PRKDC: variants seen among roughly 807,000 people sequenced by gnomAD.
PRKDC encodes protein kinase, DNA-activated, catalytic subunit, also known as DNA-dependent protein kinase catalytic subunit.
A neutral mutation model predicts 486.9 loss-of-function variants in PRKDC; 82 were observed. The ratio of observed to expected loss-of-function variants is 0.17; its 90% CI spans 0.14 to 0.20. The LOEUF (loss-of-function observed/expected upper bound fraction) is 0.20. Ranked by LOEUF, PRKDC falls within the 10% of genes least tolerant of loss-of-function variation. PRKDC has a pLI of 1.00. For missense variants in PRKDC, 4,504 were observed against 5,038.2 expected (o/e 0.89, Z 3.21); for synonymous variants, 1,895 against 1,837.0 (o/e 1.03, Z -0.81).
chr8:47,930,786 T>C lies in PRKDC; in HGVS notation c.1778A>G (p.Asn593Ser), dbSNP rs1248488297. Reference protein sequence around the residue: ...LEIQTVGEQENGDEAPGVWMI... With the variant: ...LEIQTVGEQESGDEAPGVWMI... ...CCAAACACCAGGCGCCTCATCTCCA[T>C]TCTTAAAGAGTAATTGTAGCAAAGA... is the stretch of plus-strand genomic sequence containing the variant. The change falls in exon 17 of 86, where the codon AAT becomes AGT. Residue 593 changes from asparagine to serine, a missense_variant and splice_region_variant. Transcript: ENST00000314191. 2.6e-6 allele frequency: 4 copies of C among 1,567,128 alleles called. No individual in the cohort carries two copies. In the African/African-American group the frequency reaches 5.5e-5, roughly 21 times the overall value.
At chr8:47,864,073 G>C (rs2088742624) in intron 41 of PRKDC, among the ~76,000 whole-genome samples, 2 of 152,070 alleles carry the variant, frequency 1.3e-5, no homozygotes, top group Admixed American at 6.6e-5. Context: ...TTTAGTTAAG[G>C]GCCTTGTGAT....
At chr8:47,948,009 G>C (rs2090562532) in intron 7 of PRKDC, among the ~76,000 whole-genome samples, 1 of 151,708 alleles carries the variant, frequency 6.6e-6, no homozygotes, top group South Asian at 2.1e-4. Context: ...TTTGAGCCCA[G>C]GAGGTTGAGG....
At position 47,898,512 on chromosome 8, in the gene PRKDC, T is replaced by G; in HGVS notation, c.3422A>C (p.Lys1141Thr). Residue 1141 changes from lysine to threonine, a missense_variant, in exon 29 of 86, where the codon AAG (lysine) becomes ACG (threonine). Coordinates refer to ENST00000314191, the MANE Select transcript of PRKDC (RefSeq NM_006904.7). ...IDHLCRIIEK[K>T]HVSLNKAKKR... Reference sequence around the variant, plus strand: ...CTTTGCTTTATTTAAAGAAACATGCTTCTTTTCAATGATGCGGCATAGGTG... The same window carrying G: ...CTTTGCTTTATTTAAAGAAACATGCGTCTTTTCAATGATGCGGCATAGGTG... 6.4e-7 allele frequency: 1 copy of G among 1,565,646 alleles called. No homozygotes were observed.
intron 54 of PRKDC, among the ~76,000 whole-genome samples, chr8:47,841,227 A>T (rs2088134718): frequency 6.6e-6 from 1 of 152,194 alleles, no homozygotes; most frequent in Non-Finnish European, 1.5e-5. Flanking sequence ...GCACCAGCCT[A>T]TGTGGAGCCC....
intron 85 of PRKDC, 135 bp downstream of exon 85, chr8:47,776,709 T>C (rs2086613921): frequency 1.6e-6 from 2 of 1,246,214 alleles, no homozygotes; most frequent in South Asian, 2.8e-5. Flanking sequence ...TAAGCCCTGC[T>C]TTCCTCCTCA....
chr8:47,927,504 G>A (rs1031231851), intron 20 of PRKDC, among the ~76,000 whole-genome samples, 151 bp from the exon 21 acceptor site: 14 of 152,204 alleles, frequency 9.2e-5, no homozygotes, highest in Non-Finnish European at 1.3e-4. Context: ...GTAATTAGGA[G>A]GAAAGCAAGC....
intron 7 of PRKDC, among the ~76,000 whole-genome samples, chr8:47,952,711 G>T (rs1033770758): frequency 6.6e-6 from 1 of 151,750 alleles, no homozygotes; most frequent in Non-Finnish European, 1.5e-5. Flanking sequence ...GAAAAAAAAA[G>T]AATTAAAAAG....
intron 76 of PRKDC, 97 bp downstream of exon 76, chr8:47,788,809 G>T (rs2086836191): frequency 4.3e-6 from 5 of 1,164,678 alleles, no homozygotes; most frequent in South Asian, 5.1e-5. Flanking sequence ...TTAAATTAAT[G>T]ATTACATTTA....
At chr8:47,829,353 T>C (rs1255748927) in intron 61 of PRKDC, among the ~76,000 whole-genome samples, 2 of 152,216 alleles carry the variant, frequency 1.3e-5, no homozygotes, top group African/African-American at 2.4e-5. Context: ...AAATCAAGTG[T>C]GATTTTTGCA....
intron 50 of PRKDC, among the ~76,000 whole-genome samples, chr8:47,854,491 A>G (rs2088488139): frequency 6.6e-6 from 1 of 152,034 alleles, no homozygotes; most frequent in Non-Finnish European, 1.5e-5. Context: ...GACGCCCGCC[A>G]CCACACCTGG....
intron 23 of PRKDC, among the ~76,000 whole-genome samples, chr8:47,914,390 C>G (rs2089956081): frequency 6.6e-6 from 1 of 152,020 alleles, no homozygotes; most frequent in Non-Finnish European, 1.5e-5. Context: ...CTCTTTGAAA[C>G]ACTTTCCAAA....
chr8:47,868,103 T>G (rs902201350), intron 40 of PRKDC, among the ~76,000 whole-genome samples: 1 of 152,184 alleles, frequency 6.6e-6, no homozygotes, highest in African/African-American at 2.4e-5. Context: ...TTTAAAAATT[T>G]TTGTGTTTAT....
chr8:47,936,626 CT>C (rs901353874), intron 11 of PRKDC, 109 bp from the exon 12 acceptor site: 9,893 of 1,103,492 alleles, frequency 9.0e-3, no homozygotes, highest in South Asian at 0.012. Flanking sequence ...AACAAGGCTT[CT>C]TTTTTTTTTG....
intron 19 of PRKDC, 113 bp from the exon 20 acceptor site, chr8:47,928,003 G>T: frequency 1.0e-6 from 1 of 979,794 alleles, no homozygotes; most frequent in Non-Finnish European, 1.4e-6. Context: ...AGCCTTTATT[G>T]ACATGACCAC....
chr8:47,816,165 G>C (rs1005550358), intron 68 of PRKDC, among the ~76,000 whole-genome samples: 3 of 151,774 alleles, frequency 2.0e-5, no homozygotes, highest in Admixed American at 6.6e-5. Context: ...AGTGAGCTGA[G>C]ATTGTGCCAC....
At chr8:47,883,509 T>C (rs2089266244) in intron 36 of PRKDC, among the ~76,000 whole-genome samples, 1 of 152,212 alleles carries the variant, frequency 6.6e-6, no homozygotes, top group African/African-American at 2.4e-5. Context: ...ATGCCACTCC[T>C]GACCCCTGCC....
intron 76 of PRKDC, among the ~76,000 whole-genome samples, chr8:47,788,220 T>C (rs1207172553): frequency 6.6e-6 from 1 of 151,742 alleles, no homozygotes; most frequent in Non-Finnish European, 1.5e-5. Flanking sequence ...GTGGGGAGGG[T>C]TGGGAAAGGC....
chr8:47,869,870 T>C (rs763603937), intron 40 of PRKDC, among the ~76,000 whole-genome samples: 1 of 152,070 alleles, frequency 6.6e-6, no homozygotes, highest in Non-Finnish European at 1.5e-5. Context: ...CCTTGAGCCT[T>C]GAGTGAAAAT....
intron 76 of PRKDC, 82 bp from the exon 77 acceptor site, chr8:47,785,399 A>AT: frequency 9.3e-7 from 1 of 1,070,398 alleles, no homozygotes; most frequent in Middle Eastern, 2.8e-4. Flanking sequence ...AGTGTAATGA[A>AT]TGGAGTGCTC....
Sources: gnomAD v4.1 joint callset for allele counts (sites outside exome capture counted in the v4.1 genomes callset) on GRCh38, gnomAD v4.1.1 for gene constraint, MANE v1.5 for transcripts, NCBI Gene and HGNC (gene_info 2026-07-23, HGNC 2026-07-21) for gene names.